The following ERAP2 variants were observed in gnomAD, a reference collection of about 807,000 sequenced individuals.
ERAP2 encodes leukocyte-derived arginine aminopeptidase.
In ERAP2, 118 loss-of-function variants were observed where a neutral mutation model predicts 111.1. The observed-to-expected ratio is 1.06, with a 90% confidence interval of 0.92 to 1.24. The LOEUF (loss-of-function observed/expected upper bound fraction) is 1.24. Ranked by LOEUF, ERAP2 falls within the 50% of genes most tolerant of loss-of-function variation. ERAP2 has a pLI of 0.00. For synonymous variants in ERAP2, 410 were observed against 401.2 expected (o/e 1.02, Z -0.26); for missense variants, 1,131 against 1,125.8 (o/e 1.00, Z -0.07).
chr5:96,888,936 T>G (rs1784046512), intron 4 of ERAP2, among the ~76,000 whole-genome samples: 1 of 152,232 alleles, frequency 6.6e-6, no homozygotes, highest in African/African-American at 2.4e-5. Context: ...GTTAACATGA[T>G]TTGAAAGTTA....
At chr5:96,889,067 G>T in intron 4 of ERAP2, 118 bp from the exon 5 acceptor site, 2 of 1,205,546 alleles carry the variant, frequency 1.7e-6, no homozygotes, top group Non-Finnish European at 2.3e-6. Context: ...ATGCTTAATG[G>T]TATCTTAATA....
intron 2 of ERAP2, among the ~76,000 whole-genome samples, chr5:96,882,900 C>A (rs749716373): frequency 2.6e-5 from 4 of 152,192 alleles, no homozygotes; most frequent in Non-Finnish European, 4.4e-5. Context: ...ATTCCCCCCT[C>A]CTTTTCCAGT....
At chr5:96,916,882 T>C (rs868347251) in intron 18 of ERAP2, among the ~76,000 whole-genome samples, 1 of 152,244 alleles carries the variant, frequency 6.6e-6, no homozygotes. Context: ...GCTCACCATT[T>C]ACTCTATGAC....
Position 96,917,705 on chromosome 5 carries a change from G to A in ERAP2, c.*100G>A. On this transcript the variant is annotated 3_prime_UTR_variant, in exon 19 of 19. Transcript: ENST00000437043. ...GCGGATCACGAGGTCAGGAGATGGAGACCATCCTGGCTAACACGGTGAGAC... is the reference window on the plus strand; with the variant it reads ...GCGGATCACGAGGTCAGGAGATGGAAACCATCCTGGCTAACACGGTGAGAC... The A allele has an allele frequency of 1.1e-6, 1 of 929,404 alleles. No homozygotes were observed. Among genetic ancestry groups the A allele is most frequent in the Non-Finnish European group, 1.5e-6 (1 of 645,214 alleles). 57.6% of individuals were successfully genotyped at this position (929,404 alleles called of 1,614,324 possible).
In ERAP2 at chr5:96,901,618, A is replaced by C. The variant is rs902694279; in HGVS notation, c.1685A>C (p.Gln562Pro). Residue 562 changes from glutamine to proline, a missense_variant, in exon 11 of 19, where the codon CAA (glutamine) becomes CCA (proline). Physicochemically the swap from Gln to Pro is moderately conservative, Grantham distance 76 (BLOSUM62 -1). Coordinates refer to ENST00000437043, the MANE Select transcript of ERAP2 (RefSeq NM_022350.5). The stretch of plus-strand genomic sequence containing the variant: ...CAAGACGGGTGTTCACTCCGACTGC[A>C]ACAGGAGCGCTTCCTCCAGGGGGTT... ...VKQDGCSLRL[Q>P]QERFLQGVFQ... 12 of 1,614,114 alleles carry C rather than the reference A, an allele frequency of 7.4e-6. No homozygotes were observed. The highest frequency in any genetic ancestry group is 2.2e-5 in the East Asian group (1 of 44,886).
chr5:96,918,975 A>G lies in ERAP2; in HGVS notation c.*1370A>G, dbSNP rs1303736904. On this transcript the variant is annotated 3_prime_UTR_variant, in exon 19 of 19. Transcript: ENST00000437043. ...TATTTGAATAAGGTAGTTTGGAATA[A>G]AGAAAGAAAAGATCACTCTACATAC... 1 of 152,214 alleles carries G rather than the reference A, an allele frequency of 6.6e-6. No homozygotes were observed. Among genetic ancestry groups the G allele is most frequent in the Non-Finnish European group, 1.5e-5 (1 of 68,044 alleles). The allele number at this position is 152,214 out of a possible 1,614,324, so 9.4% of individuals were successfully genotyped here.
At chr5:96,898,005 T>C (rs1384925789) in intron 9 of ERAP2, among the ~76,000 whole-genome samples, 2 of 152,176 alleles carry the variant, frequency 1.3e-5, no homozygotes, top group Non-Finnish European at 2.9e-5. Context: ...GAGACCAGCC[T>C]GGCCAATTCG....
chr5:96,880,344 A>G (rs1226810031), intron 2 of ERAP2, 84 bp downstream of exon 2: 1 of 1,247,032 alleles, frequency 8.0e-7, no homozygotes, highest in Non-Finnish European at 1.1e-6. Flanking sequence ...AGACTTCAGC[A>G]GCCATTTATG....
intron 2 of ERAP2, chr5:96,881,104 G>C (rs1277440540): frequency 7.8e-6 from 2 of 256,680 alleles, no homozygotes; most frequent in African/African-American, 4.5e-5. Flanking sequence ...AGGGAGAAAG[G>C]GATCAGATCA....
rs1401331558 is a variant in ERAP2 at position 96,909,025 on chromosome 5, A to G, written c.2077A>G (p.Ser693Gly). 20 of 1,614,210 alleles carry G rather than the reference A, an allele frequency of 1.2e-5. No homozygotes were observed. Among genetic ancestry groups the G allele is most frequent in the Non-Finnish European group, 1.6e-5 (19 of 1,180,016 alleles). ...MTYYLQHETS[S>G]PALLEGLSYL... ...TTACTACCTCCAACATGAAACAAGC[A>G]GCCCCGCACTTCTCGAAGGTCTGAG... Residue 693 changes from serine (S) to glycine (G), a missense_variant, in exon 14 of 19, where the codon AGC (serine) becomes GGC (glycine). Coordinates refer to ENST00000437043, the MANE Select transcript of ERAP2 (RefSeq NM_022350.5).
At chr5:96,908,211 G>C (rs745930202) in intron 13 of ERAP2, among the ~76,000 whole-genome samples, 1 of 152,144 alleles carries the variant, frequency 6.6e-6, no homozygotes, top group South Asian at 2.1e-4. Context: ...TGGGAGTTGG[G>C]TGTTCACAAG....
intron 13 of ERAP2, 57 bp from the exon 14 acceptor site, chr5:96,908,904 A>C (rs1440935725): frequency 4.0e-6 from 6 of 1,513,482 alleles, no homozygotes; most frequent in Non-Finnish European, 5.4e-6. Flanking sequence ...TTTAATGTTA[A>C]AAATATTAAA....
chr5:96,913,054 G>A (rs1345755417), intron 16 of ERAP2, among the ~76,000 whole-genome samples: 1 of 152,052 alleles, frequency 6.6e-6, no homozygotes, highest in Non-Finnish European at 1.5e-5. Context: ...AAAAATTATT[G>A]TTGTAAAAAT....
chr5:96,884,309 A>G (rs1783504201), intron 3 of ERAP2, among the ~76,000 whole-genome samples: 1 of 152,174 alleles, frequency 6.6e-6, no homozygotes, highest in Admixed American at 6.5e-5. Flanking sequence ...TAAAACTCAG[A>G]TTCTGATTCA....
chr5:96,897,101 A>G (rs1360187736), intron 9 of ERAP2, among the ~76,000 whole-genome samples: 3 of 152,156 alleles, frequency 2.0e-5, no homozygotes, highest in Non-Finnish European at 4.4e-5. Flanking sequence ...TTTCTCTTCT[A>G]CGACTAATCC....
At chr5:96,895,502 A>G (rs943300698) in intron 7 of ERAP2, 143 bp downstream of exon 7, 3 of 655,822 alleles carry the variant, frequency 4.6e-6, no homozygotes, top group Non-Finnish European at 8.0e-6. Context: ...TACACGAAAC[A>G]GATCACAGAA....
intron 17 of ERAP2, among the ~76,000 whole-genome samples, chr5:96,915,044 G>A (rs1370438993): frequency 3.3e-5 from 5 of 150,802 alleles, no homozygotes; most frequent in African/African-American, 9.8e-5. Flanking sequence ...TTTCATTCTC[G>A]TTGCCCAGGC....
At chr5:96,917,438 AT>A (rs1318710273) in intron 18 of ERAP2, 23 bp from the exon 19 acceptor site, 2 of 1,602,182 alleles carry the variant, frequency 1.2e-6, no homozygotes, top group Non-Finnish European at 1.7e-6. Context: ...AGTGTTAGTA[AT>A]TTTTTTCTTC....
rs1462236593 is a variant in ERAP2, at chr5:96,896,353, A to G, written c.1240-20A>G. The G allele has an allele frequency of 6.3e-7, 1 of 1,592,376 alleles. No homozygotes were observed. Among genetic ancestry groups the G allele is most frequent in the Non-Finnish European group, 8.6e-7 (1 of 1,163,586 alleles). The stretch of plus-strand genomic sequence containing the variant: ...AGTGTCAAATAGAAACTAAAACTAA[A>G]CATTTTTCTCCCTGTTTAGGATGAC... On this transcript the variant is annotated intron_variant, in intron 7 of 18. Transcript: ENST00000437043.
Sources: allele counts gnomAD v4.1 joint callset (sites outside exome capture counted in the v4.1 genomes callset), GRCh38; gene constraint gnomAD v4.1.1; transcripts MANE v1.5; gene names NCBI Gene and HGNC (gene_info 2026-07-23, HGNC 2026-07-21).